Variants in GRIP1 observed in about 807,000 individuals in gnomAD.
GRIP1 encodes glutamate receptor-interacting protein 1.
A neutral mutation model predicts 129.9 loss-of-function variants in GRIP1; 45 were observed. That is an observed-to-expected ratio of 0.35 (90% CI 0.27 to 0.44). The LOEUF is 0.44. Among genes scored for constraint, GRIP1 ranks in the 20% least tolerant of loss-of-function variants. GRIP1 has a pLI of 1.00. For missense variants in GRIP1, 1,196 were observed against 1,396.8 expected, an observed-to-expected ratio of 0.86 and a Z score of 2.29; for synonymous variants, 530 against 520.8, an observed-to-expected ratio of 1.02 and a Z score of -0.24.
chr12:67,035,604 A>C (rs986468882), intron 1 of GRIP1: 1 of 152,224 alleles, frequency 6.6e-6, no homozygotes, highest in Non-Finnish European at 1.5e-5. Flanking sequence ...ATAAGTGCTC[A>C]TGATGCGTTT....
At chr12:66,797,678 C>A (rs1043741625) in intron 1 of GRIP1, among the ~76,000 whole-genome samples, 1 of 152,178 alleles carries the variant, frequency 6.6e-6, no homozygotes, top group Admixed American at 6.5e-5. Flanking sequence ...AAACTTGAAA[C>A]TAGCTGATCT....
intron 1 of GRIP1, among the ~76,000 whole-genome samples, chr12:66,867,458 T>C (rs1230560469): frequency 6.6e-6 from 1 of 152,130 alleles, no homozygotes; most frequent in African/African-American, 2.4e-5. Flanking sequence ...GAGTTGTCAT[T>C]AGGCAGGGTT....
At chr12:66,706,632 A>G (rs1283067134) in intron 1 of GRIP1, among the ~76,000 whole-genome samples, 1 of 152,154 alleles carries the variant, frequency 6.6e-6, no homozygotes, top group Admixed American at 6.6e-5. Context: ...CTGATCAATG[A>G]TAGACTGGAT....
chr12:66,816,891 C>T (rs1043042613), intron 1 of GRIP1, among the ~76,000 whole-genome samples: 1 of 151,888 alleles, frequency 6.6e-6, no homozygotes, highest in African/African-American at 2.4e-5. Flanking sequence ...TTAAGGTTGC[C>T]CCCTTTATAT....
At chr12:66,738,792 G>A (rs2036694344) in intron 1 of GRIP1, among the ~76,000 whole-genome samples, 1 of 152,166 alleles carries the variant, frequency 6.6e-6, no homozygotes, top group Non-Finnish European at 1.5e-5. Context: ...GGAGAATAAA[G>A]GCGACTCATA....
At chr12:66,924,530 T>C (rs1240107804) in intron 1 of GRIP1, among the ~76,000 whole-genome samples, 2 of 152,212 alleles carry the variant, frequency 1.3e-5, no homozygotes, top group African/African-American at 4.8e-5. Flanking sequence ...CAACATATTA[T>C]AGTATAATTC....
rs1274740221 is a variant in GRIP1, at chr12:66,625,196, T to G, written c.56-28269A>C. Reference sequence around the variant, plus strand: ...CAGATGGGCTGCCATGTTATTTAAGTTGCATATATTATAATAGCTTCATTT... The same window carrying G: ...CAGATGGGCTGCCATGTTATTTAAGGTGCATATATTATAATAGCTTCATTT... On this transcript the variant is annotated intron_variant, in intron 1 of 24. Coordinates refer to ENST00000359742, the MANE Select transcript of GRIP1 (RefSeq NM_001366722.1). Among the ~76,000 whole-genome samples, 64 of 152,140 alleles carry G rather than the reference T, an allele frequency of 4.2e-4. 1 individual carries two copies. Among genetic ancestry groups the G allele is most frequent in the Admixed American group, 4.1e-3 (63 of 15,276 alleles).
At chr12:66,977,647 T>C (rs888716367) in intron 1 of GRIP1, among the ~76,000 whole-genome samples, 6 of 152,088 alleles carry the variant, frequency 3.9e-5, no homozygotes, top group Non-Finnish European at 8.8e-5. Flanking sequence ...TTTATATAAA[T>C]GGGAATCAAA....
At chr12:67,003,679 C>T (rs189329395) in intron 1 of GRIP1, among the ~76,000 whole-genome samples, 3 of 150,834 alleles carry the variant, frequency 2.0e-5, no homozygotes, top group Admixed American at 6.6e-5. Flanking sequence ...GGAGACAGAG[C>T]GAGATTCCAT....
chr12:66,390,844 C>CA (rs2056556886), intron 19 of GRIP1, among the ~76,000 whole-genome samples: 1 of 152,174 alleles, frequency 6.6e-6, no homozygotes, highest in Admixed American at 6.5e-5. Flanking sequence ...ATCAGAAGGT[C>CA]TGTTATTTGG....
chr12:66,420,366 A>G (rs1011791191), intron 15 of GRIP1, among the ~76,000 whole-genome samples: 5 of 150,392 alleles, frequency 3.3e-5, no homozygotes, highest in Admixed American at 1.3e-4. Context: ...TTCTTGCACA[A>G]CTTATCACCT....
At chr12:66,711,747 A>T (rs2035719390) in intron 1 of GRIP1, among the ~76,000 whole-genome samples, 2 of 151,714 alleles carry the variant, frequency 1.3e-5, no homozygotes. Context: ...TTCTTTAGGG[A>T]CTCAAAATTG....
chr12:66,990,246 T>G (rs1256642548), intron 1 of GRIP1, among the ~76,000 whole-genome samples: 1 of 152,206 alleles, frequency 6.6e-6, no homozygotes, highest in Non-Finnish European at 1.5e-5. Flanking sequence ...CATTTTTAAA[T>G]GGTATCTGCT....
At chr12:66,748,657 A>G (rs2037028775) in intron 1 of GRIP1, among the ~76,000 whole-genome samples, 1 of 152,176 alleles carries the variant, frequency 6.6e-6, no homozygotes, top group Admixed American at 6.5e-5. Flanking sequence ...TTGTTGTGCA[A>G]ACAATTAAAG....
At chr12:66,458,822 T>C (rs371361312) in intron 9 of GRIP1, among the ~76,000 whole-genome samples, 2 of 152,266 alleles carry the variant, frequency 1.3e-5, no homozygotes, top group Non-Finnish European at 1.5e-5. Flanking sequence ...GTCAGGTTCC[T>C]TCCTGCCTCA....
rs550442704 is a variant in GRIP1 at position 66,656,171 on chromosome 12, T to G, written c.55+22679A>C. On this transcript the variant is annotated intron_variant, in intron 1 of 24. Transcript: ENST00000359742. ...CATGGTGCCAGTCATGGTGTGATAC[T>G]CAACAAATGATTGTCAAATGAATAA... Among the ~76,000 whole-genome samples the G allele has an allele frequency of 2.0e-5, 3 of 152,320 alleles. No individual in the cohort carries two copies. The South Asian group carries it at 6.2e-4, about 32-fold the overall frequency.
chr12:66,419,461 T>A (rs2057726816), intron 15 of GRIP1, among the ~76,000 whole-genome samples: 1 of 152,186 alleles, frequency 6.6e-6, no homozygotes, highest in Admixed American at 6.5e-5. Flanking sequence ...AATTGGATTG[T>A]TTGTAACACA....
intron 1 of GRIP1, among the ~76,000 whole-genome samples, chr12:66,828,356 T>A (rs547805666): frequency 6.6e-6 from 1 of 152,318 alleles, no homozygotes; most frequent in South Asian, 2.1e-4. Context: ...TGAGTTCACC[T>A]TTCAAATTTT....
chr12:66,860,843 T>G (rs1017572430), intron 1 of GRIP1, among the ~76,000 whole-genome samples: 2 of 152,100 alleles, frequency 1.3e-5, no homozygotes, highest in African/African-American at 4.8e-5. Context: ...GAACCACACT[T>G]TGAGTGAACG....
Sources: gnomAD v4.1 joint callset for allele counts (sites outside exome capture counted in the v4.1 genomes callset) on GRCh38, gnomAD v4.1.1 for gene constraint, MANE v1.5 for transcripts, NCBI Gene and HGNC (gene_info 2026-07-23, HGNC 2026-07-21) for gene names.